LPP: variants seen among roughly 807,000 people sequenced by gnomAD.
LPP encodes the protein lipoma-preferred partner.
In LPP, 38 loss-of-function variants were observed where a neutral mutation model predicts 60.4. That is an observed-to-expected ratio of 0.63 (90% confidence interval 0.49 to 0.83). The LOEUF is 0.83. LPP is among the 40% of genes least tolerant of loss of function. The pLI, the probability that LPP is intolerant of heterozygous loss-of-function variation, is 0.00. For synonymous variants in LPP, 328 were observed against 290.8 expected (o/e 1.13, Z -1.30); for missense variants, 902 against 783.6 (o/e 1.15, Z -1.80).
chr3:188,637,783 T>G (rs1849137847), intron 7 of LPP, among the ~76,000 whole-genome samples: 1 of 152,226 alleles, frequency 6.6e-6, no homozygotes, highest in African/African-American at 2.4e-5. Context: ...ATAAATTCCT[T>G]GATACGTACA....
At chr3:188,743,876 A>G (rs1292291640) in intron 8 of LPP, 2 of 152,102 alleles carry the variant, frequency 1.3e-5, no homozygotes, top group African/African-American at 2.4e-5. Flanking sequence ...TAGATTATTG[A>G]GCCTCAGATA....
intron 5 of LPP, among the ~76,000 whole-genome samples, chr3:188,488,433 C>T (rs1216770548): frequency 2.6e-5 from 4 of 152,108 alleles, no homozygotes; most frequent in African/African-American, 4.8e-5. Context: ...TCAGGATCAA[C>T]GTGACCTCCA....
chr3:188,804,279 A>ATATC (rs1748379531), intron 9 of LPP, among the ~76,000 whole-genome samples: 1 of 124,272 alleles, frequency 8.0e-6, no homozygotes, highest in Non-Finnish European at 1.7e-5. Context: ...ATATATATAT[A>ATATC]TATAAAATGG....
intron 7 of LPP, among the ~76,000 whole-genome samples, chr3:188,621,975 CAGTTAAAAACT>C (rs1017528293): frequency 1.5e-4 from 23 of 152,176 alleles, no homozygotes; most frequent in African/African-American, 4.6e-4. Context: ...GGCATTTTAG[CAGTTAAAAACT>C]GAATGCTCTA....
intron 2 of LPP, among the ~76,000 whole-genome samples, chr3:188,255,110 A>G (rs977460702): frequency 6.6e-6 from 1 of 152,178 alleles, no homozygotes; most frequent in East Asian, 1.9e-4. Flanking sequence ...GAGTTGTTTC[A>G]TAGGGCAGGG....
At position 188,441,609 on chromosome 3, in the gene LPP, CTTTTTTTTTTTTTTTT is replaced by C. The variant is rs1004222826; in HGVS notation, c.193+35310_193+35325del. Among the ~76,000 whole-genome samples, 116 of 55,674 alleles carry C rather than the reference CTTTTTTTTTTTTTTTT, an allele frequency of 2.1e-3. 1 individual carries two copies. The highest frequency in any genetic ancestry group is 6.3e-3 in the Admixed American group (32 of 5,084). The allele number at this position is 55,674 out of a possible 152,430, so 36.5% of individuals were successfully genotyped here. A position where few individuals can be genotyped will look rare whatever the true frequency, so the allele number is the denominator to read the frequency against. On this transcript the variant is annotated intron_variant, in intron 4 of 11. Transcript: ENST00000617246. The stretch of plus-strand genomic sequence containing the variant: ...ACAGTTTCTTTTTTTCTTTTCTTTT[CTTTTTTTTTTTTTTTT>C]TTTTTTTTTTTTTGAGATGGAGTCT...
chr3:188,503,861 A>G (rs1450060107), intron 5 of LPP, among the ~76,000 whole-genome samples: 1 of 152,088 alleles, frequency 6.6e-6, no homozygotes, highest in East Asian at 1.9e-4. Context: ...AACTTTCAAA[A>G]TTCTCCGGTT....
At chr3:188,380,137 A>G (rs1362338361) in intron 3 of LPP, among the ~76,000 whole-genome samples, 6 of 152,348 alleles carry the variant, frequency 3.9e-5, no homozygotes, top group Middle Eastern at 3.4e-3. Context: ...CTCCCTCCCA[A>G]GTACTTTTCC....
intron 6 of LPP, among the ~76,000 whole-genome samples, chr3:188,560,712 A>C (rs927555210): frequency 6.6e-6 from 1 of 152,058 alleles, no homozygotes; most frequent in Non-Finnish European, 1.5e-5. Context: ...TTCAAAGTCT[A>C]TGTGTTCTTG....
chr3:188,592,553 T>TTTTTTTTTTG lies in LPP; in HGVS notation c.430-16605_430-16604insTTTTTTGTTT, dbSNP rs1553936328. Among the ~76,000 whole-genome samples, 621 of 121,230 alleles carry TTTTTTTTTTG rather than the reference T, an allele frequency of 5.1e-3. 19 individuals carry two copies. The highest frequency in any genetic ancestry group is 0.017 in the African/African-American group (586 of 34,452). 79.5% of individuals were successfully genotyped at this position (121,230 alleles called of 152,430 possible). ...TGAGTATCACTGTTTTTAGTTTTGT[T>TTTTTTTTTTG]TTTGTTTTTTAAATGGAGTCTCACT... On this transcript the variant is annotated intron_variant, in intron 6 of 11. Transcript: ENST00000617246.
At chr3:188,293,226 A>G (rs1208154847) in intron 2 of LPP, among the ~76,000 whole-genome samples, 1 of 152,214 alleles carries the variant, frequency 6.6e-6, no homozygotes, top group Non-Finnish European at 1.5e-5. Context: ...GTTGGGTTTA[A>G]TATCTTAAGA....
At chr3:188,444,879 GAAAAAAA>G (rs1235181133) in intron 4 of LPP, among the ~76,000 whole-genome samples, 3 of 151,832 alleles carry the variant, frequency 2.0e-5, no homozygotes, top group Non-Finnish European at 4.4e-5. Context: ...CCAAAATATG[GAAAAAAA>G]ACCTCACTAT....
intron 8 of LPP, among the ~76,000 whole-genome samples, chr3:188,720,181 G>A (rs1274546250): frequency 2.0e-5 from 3 of 152,188 alleles, no homozygotes; most frequent in Admixed American, 1.3e-4. Flanking sequence ...AAAGTGTTGA[G>A]ATTACAGGCG....
intron 4 of LPP, among the ~76,000 whole-genome samples, chr3:188,429,877 A>G (rs1790460176): frequency 6.6e-6 from 1 of 152,184 alleles, no homozygotes; most frequent in Non-Finnish European, 1.5e-5. Flanking sequence ...CAAAGGTGCA[A>G]TTGCCAGGAA....
intron 3 of LPP, among the ~76,000 whole-genome samples, chr3:188,376,174 G>A (rs190328258): frequency 5.0e-4 from 76 of 152,182 alleles, no homozygotes; most frequent in South Asian, 4.2e-3. Flanking sequence ...AAAAAAATGT[G>A]TATTCTGTCG....
Position 188,225,948 on chromosome 3 carries a change from A to G in LPP, c.-67+421A>G, listed in dbSNP as rs147000147. 1.3e-3 allele frequency among the ~76,000 whole-genome samples: 198 copies of G among 152,340 alleles called. 2 individuals carry two copies. Among genetic ancestry groups the G allele is most frequent in the Admixed American group, 9.3e-3 (143 of 15,306 alleles). ...ATTTACAAGGAAAGAAAGCAGTATT[A>G]TTGAGTGTCTCTTGTTTGCCCTTGT... On this transcript the variant is annotated intron_variant, in intron 2 of 11. Transcript: ENST00000617246.
intron 6 of LPP, among the ~76,000 whole-genome samples, chr3:188,538,544 G>C (rs1022850301): frequency 1.3e-5 from 2 of 152,182 alleles, no homozygotes; most frequent in Non-Finnish European, 2.9e-5. Flanking sequence ...ACATGTGTTG[G>C]CAATGTGGTA....
chr3:188,579,731 G>A (rs560790348), intron 6 of LPP, among the ~76,000 whole-genome samples: 133 of 151,552 alleles, frequency 8.8e-4, no homozygotes, highest in Middle Eastern at 6.8e-3. Flanking sequence ...ATGCTGAGGC[G>A]GTATGATCCC....
chr3:188,511,197 T>C (rs2150024466), intron 5 of LPP, among the ~76,000 whole-genome samples: 1 of 107,566 alleles, frequency 9.3e-6, no homozygotes, highest in South Asian at 3.8e-4. Context: ...TCTCCCTCCC[T>C]CCTTCCCTCC....
Sources: allele counts gnomAD v4.1 joint callset (sites outside exome capture counted in the v4.1 genomes callset), GRCh38; gene constraint gnomAD v4.1.1; transcripts MANE v1.5; gene names NCBI Gene and HGNC (gene_info 2026-07-23, HGNC 2026-07-21).